Variants in ARHGAP24 observed in about 807,000 individuals in gnomAD.
ARHGAP24 encodes the protein rho GTPase-activating protein 24.
Under a neutral mutation model 76.4 loss-of-function variants are expected in ARHGAP24, and 50 were observed. The observed-to-expected ratio is 0.65, with a 90% CI of 0.52 to 0.83. The LOEUF (loss-of-function observed/expected upper bound fraction) is 0.83. Ranked by LOEUF, ARHGAP24 falls within the 40% of genes least tolerant of loss-of-function variation. ARHGAP24 has a pLI of 0.00. For missense variants in ARHGAP24, 930 were observed against 914.2 expected (o/e 1.02, Z -0.22); for synonymous variants, 345 against 323.3 (o/e 1.07, Z -0.72).
rs368144708 is a variant in ARHGAP24, at chr4:85,613,425, G to A, written c.180+42704G>A. Among the ~76,000 whole-genome samples, 61 of 152,204 alleles carry A rather than the reference G, an allele frequency of 4.0e-4. No homozygotes were observed. The East Asian group carries it at 6.2e-3, about 15-fold the overall frequency. ...TATTAGGTGTCAGACATTATAATAC[G>A]TATATATACATATGTACATCATATA... On this transcript the variant is annotated intron_variant, in intron 2 of 9. Coordinates refer to ENST00000395184, the MANE Select transcript of ARHGAP24 (RefSeq NM_001025616.3).
intron 2 of ARHGAP24, among the ~76,000 whole-genome samples, chr4:85,672,028 G>T (rs1722830580): frequency 6.6e-6 from 1 of 152,154 alleles, no homozygotes; most frequent in African/African-American, 2.4e-5. Context: ...TGAGTTTAAT[G>T]TGAACACAAC....
intron 4 of ARHGAP24, among the ~76,000 whole-genome samples, chr4:85,929,391 T>C (rs1349882944): frequency 2.0e-5 from 3 of 152,232 alleles, no homozygotes; most frequent in Admixed American, 2.0e-4. Flanking sequence ...GTAAAGCTTC[T>C]GCCAAATGGC....
chr4:85,903,643 ATTACT>A (rs1453541649), intron 3 of ARHGAP24, among the ~76,000 whole-genome samples: 1 of 152,096 alleles, frequency 6.6e-6, no homozygotes, highest in Non-Finnish European at 1.5e-5. Context: ...AAACACTAAA[ATTACT>A]TTAGAGCTTT....
chr4:85,482,701 G>T (rs1722863682), intron 1 of ARHGAP24, among the ~76,000 whole-genome samples: 1 of 152,212 alleles, frequency 6.6e-6, no homozygotes, highest in African/African-American at 2.4e-5. Flanking sequence ...TGTAAGAATA[G>T]ATAACAATGA....
intron 1 of ARHGAP24, among the ~76,000 whole-genome samples, chr4:85,500,672 G>A (rs1350982709): frequency 2.0e-5 from 3 of 152,152 alleles, no homozygotes; most frequent in African/African-American, 4.8e-5. Context: ...CATCTCAGAT[G>A]TGGAAAGCTC....
intron 2 of ARHGAP24, among the ~76,000 whole-genome samples, chr4:85,677,795 C>G (rs1012966172): frequency 1.4e-4 from 21 of 152,166 alleles, no homozygotes; most frequent in Non-Finnish European, 7.3e-5. Context: ...TTGTTTCTCA[C>G]TAATTTTAAT....
At chr4:85,933,316 G>A (rs1299109854) in intron 4 of ARHGAP24, among the ~76,000 whole-genome samples, 1 of 152,158 alleles carries the variant, frequency 6.6e-6, no homozygotes, top group African/African-American at 2.4e-5. Flanking sequence ...GCCAACAGCA[G>A]AGGAGACATG....
chr4:85,867,928 C>T (rs1316360462), intron 3 of ARHGAP24, among the ~76,000 whole-genome samples: 1 of 99,566 alleles, frequency 1.0e-5, no homozygotes, highest in Non-Finnish European at 2.2e-5. Context: ...TACACACACA[C>T]AAACCAAAAC....
Position 85,821,600 on chromosome 4 carries a change from G to T in ARHGAP24, c.268+99628G>T, listed in dbSNP as rs953143833. ...CACTGTGTTGCCCATGCCCATGCTG[G>T]TCTTGGACTCTTGGCCTCAAATGAT... On this transcript the variant is annotated intron_variant, in intron 3 of 9. Coordinates refer to ENST00000395184, the MANE Select transcript of ARHGAP24 (RefSeq NM_001025616.3). Among the ~76,000 whole-genome samples, 3 of 152,244 alleles carry T rather than the reference G, an allele frequency of 2.0e-5. 1 individual carries two copies. Among genetic ancestry groups the T allele is most frequent in the South Asian group, 4.1e-4 (2 of 4,824 alleles).
intron 2 of ARHGAP24, among the ~76,000 whole-genome samples, chr4:85,670,373 C>T (rs115634471): frequency 9.5e-4 from 144 of 152,270 alleles, no homozygotes; most frequent in African/African-American, 3.2e-3. Flanking sequence ...ATAAGTGCTA[C>T]GTTAGCCAAT....
At chr4:85,481,250 GTAAA>G (rs1358924356) in intron 1 of ARHGAP24, among the ~76,000 whole-genome samples, 1 of 152,116 alleles carries the variant, frequency 6.6e-6, no homozygotes, top group East Asian at 1.9e-4. Context: ...GCTCAGAGAG[GTAAA>G]TAAAGTTACC....
chr4:85,742,052 G>T (rs1725845908), intron 3 of ARHGAP24, among the ~76,000 whole-genome samples: 1 of 152,170 alleles, frequency 6.6e-6, no homozygotes, highest in South Asian at 2.1e-4. Flanking sequence ...GGTTGACTGG[G>T]ATAGACCAGT....
chr4:85,522,909 CTTTTG>C (rs1724843616), intron 1 of ARHGAP24, among the ~76,000 whole-genome samples: 2 of 151,940 alleles, frequency 1.3e-5, no homozygotes, highest in African/African-American at 4.8e-5. Context: ...TTTGACTTTT[CTTTTG>C]CCTTTTCCTC....
chr4:85,938,767 A>C (rs939932390), intron 4 of ARHGAP24, among the ~76,000 whole-genome samples: 1 of 152,114 alleles, frequency 6.6e-6, no homozygotes, highest in African/African-American at 2.4e-5. Flanking sequence ...CATCAGCTTT[A>C]TATAAAGGAA....
intron 3 of ARHGAP24, among the ~76,000 whole-genome samples, chr4:85,909,311 A>G (rs1019657973): frequency 2.5e-4 from 35 of 142,810 alleles, no homozygotes; most frequent in African/African-American, 8.9e-4. Context: ...TGTTTTTTTT[A>G]ATTTGTGGTG....
At chr4:85,738,155 A>G (rs1358336288) in intron 3 of ARHGAP24, among the ~76,000 whole-genome samples, 1 of 152,080 alleles carries the variant, frequency 6.6e-6, no homozygotes, top group Non-Finnish European at 1.5e-5. Flanking sequence ...TCCTGACCTC[A>G]GGTGATCCAC....
intron 2 of ARHGAP24, among the ~76,000 whole-genome samples, chr4:85,612,149 TG>T (rs1285962009): frequency 6.7e-6 from 1 of 150,314 alleles, no homozygotes; most frequent in Non-Finnish European, 1.5e-5. Context: ...CCGGGCGCGG[TG>T]GCTCATGCCT....
intron 3 of ARHGAP24, among the ~76,000 whole-genome samples, chr4:85,788,173 G>A (rs1256202546): frequency 6.6e-6 from 1 of 152,052 alleles, no homozygotes; most frequent in East Asian, 1.9e-4. Context: ...GATGACCACA[G>A]ACCAGATTCC....
At chr4:85,631,573 T>A (rs959924061) in intron 2 of ARHGAP24, among the ~76,000 whole-genome samples, 7 of 152,152 alleles carry the variant, frequency 4.6e-5, no homozygotes, top group African/African-American at 1.7e-4. Flanking sequence ...TTACAAAAAA[T>A]TATACAACCG....
Sources: allele counts gnomAD v4.1 joint callset (sites outside exome capture counted in the v4.1 genomes callset), GRCh38; gene constraint gnomAD v4.1.1; transcripts MANE v1.5; gene names NCBI Gene and HGNC (gene_info 2026-07-23, HGNC 2026-07-21).